GAK: variants seen among roughly 807,000 people sequenced by gnomAD.
GAK encodes cyclin G associated kinase.
GAK carries 79 observed loss-of-function variants against 143.9 expected under a neutral mutation model. That is an observed-to-expected ratio of 0.55 (90% confidence interval 0.46 to 0.66). GAK has a LOEUF of 0.66. Ranked by LOEUF, GAK falls within the 30% of genes least tolerant of loss-of-function variation. The probability of loss-of-function intolerance (pLI) is 0.00; values close to 1 mark genes in which losing one functional copy is unlikely to be tolerated. For missense variants in GAK, 1,693 were observed against 1,779.7 expected (o/e 0.95, Z 0.88); for synonymous variants, 881 against 765.5 (o/e 1.15, Z -2.49).
chr4:916,721 T>C (rs991075597), intron 1 of GAK, among the ~76,000 whole-genome samples: 1 of 152,176 alleles, frequency 6.6e-6, no homozygotes, highest in South Asian at 2.1e-4. Flanking sequence ...GTGGAGCGAC[T>C]GGAATGCTTA....
chr4:896,412 T>A (rs752462586), intron 7 of GAK, 48 bp downstream of exon 7: 34 of 1,517,770 alleles, frequency 2.2e-5, no homozygotes, highest in Non-Finnish European at 3.0e-5. Flanking sequence ...TCAGGTTAAG[T>A]AGGGCGCACG....
intron 5 of GAK, 139 bp downstream of exon 5, chr4:904,498 G>A (rs548004354): frequency 5.8e-5 from 45 of 773,726 alleles, no homozygotes; most frequent in African/African-American, 2.5e-4. Context: ...GATGATGGGC[G>A]GCTCCTAACC....
chr4:912,550 A>C, intron 3 of GAK, 185 bp downstream of exon 3: 1 of 541,288 alleles, frequency 1.8e-6, no homozygotes, highest in East Asian at 2.9e-5. Context: ...GTAAAAAAAA[A>C]ACAGAAAAAA....
chr4:854,897 T>C (rs527735721), intron 24 of GAK, among the ~76,000 whole-genome samples: 24 of 152,166 alleles, frequency 1.6e-4, no homozygotes, highest in African/African-American at 5.5e-4. Context: ...TACAAAAAAT[T>C]AGCTGGGCGT....
chr4:880,682 C>T lies in GAK; in HGVS notation c.1661+1225G>A, dbSNP rs115482774. Among the ~76,000 whole-genome samples, 630 of 152,292 alleles carry T rather than the reference C, an allele frequency of 4.1e-3. 5 individuals are homozygous for T. Among genetic ancestry groups the T allele is most frequent in the African/African-American group, 0.014 (600 of 41,562 alleles). ...AGTTACGTCCACCCCAGACAGCACA[C>T]ACACACCTCCTCCCACAGGCACCTG... On this transcript the variant is annotated intron_variant, in intron 15 of 27. Coordinates refer to ENST00000314167, the MANE Select transcript of GAK (RefSeq NM_005255.4).
rs372943133 is a variant in GAK, at chr4:911,668, G to A, written c.382+5C>T. 7.3e-5 allele frequency: 118 copies of A among 1,608,404 alleles called. No homozygotes were observed. The highest frequency in any genetic ancestry group is 6.4e-4 in the African/African-American group (48 of 74,932). On this transcript the variant is annotated splice_donor_5th_base_variant and intron_variant, in intron 4 of 27. Transcript: ENST00000314167. ...GGCACCAAGCCGGCCTTCACAGGAC[G>A]TTACCTTTACAGAGCTCTGTGAGCA... is the stretch of plus-strand genomic sequence containing the variant.
At chr4:921,251 C>T (rs1436203063) in intron 1 of GAK, among the ~76,000 whole-genome samples, 1 of 152,140 alleles carries the variant, frequency 6.6e-6, no homozygotes, top group African/African-American at 2.4e-5. Flanking sequence ...TACAGACGTG[C>T]GTCACCACGC....
At position 921,678 on chromosome 4, in the gene GAK, G is replaced by T. The variant is rs555284044; in HGVS notation, c.146-8010C>A. Among the ~76,000 whole-genome samples, 20 of 151,566 alleles carry T rather than the reference G, an allele frequency of 1.3e-4. 1 individual carries two copies. In the South Asian group the frequency reaches 2.3e-3, roughly 17 times the overall value. On this transcript the variant is annotated intron_variant, in intron 1 of 27. Coordinates refer to ENST00000314167, the MANE Select transcript of GAK (RefSeq NM_005255.4). ...AAACTTTGGATCTGCAACAGACCCC[G>T]CTTTGTTTGTTTTTTTTTTTTAATT... is the stretch of plus-strand genomic sequence containing the variant.
chr4:916,155 GA>G (rs1241664732), intron 1 of GAK, among the ~76,000 whole-genome samples: 1 of 152,196 alleles, frequency 6.6e-6, no homozygotes, highest in Non-Finnish European at 1.5e-5. Flanking sequence ...TCTGCTTTTT[GA>G]AAACTGGTCA....
intron 18 of GAK, among the ~76,000 whole-genome samples, chr4:874,912 G>T (rs1395280606): frequency 1.3e-5 from 2 of 152,122 alleles, no homozygotes; most frequent in Non-Finnish European, 2.9e-5. Flanking sequence ...GCTGTCAGAA[G>T]ATCTTTTCTA....
chr4:860,693 C>T lies in GAK; in HGVS notation c.3167-971G>A, dbSNP rs550069104. Reference sequence around the variant, plus strand: ...CGGGCACCCAGGCCCTGGCGCACCTCGCACTGTGCACACGGGGAGAAGGGC... The same window carrying T: ...CGGGCACCCAGGCCCTGGCGCACCTTGCACTGTGCACACGGGGAGAAGGGC... On this transcript the variant is annotated intron_variant, in intron 23 of 27. Transcript: ENST00000314167. Among the ~76,000 whole-genome samples, 141 of 150,050 alleles carry T rather than the reference C, an allele frequency of 9.4e-4. 3 individuals are homozygous for T. In the South Asian group the frequency reaches 0.027, roughly 29 times the overall value.
chr4:868,802 A>G, intron 19 of GAK, 117 bp from the exon 20 acceptor site: 1 of 1,052,598 alleles, frequency 9.5e-7, no homozygotes, highest in African/African-American at 1.6e-5. Context: ...AGGCCAGGCC[A>G]TCGGTAAAGC....
At chr4:890,020 G>A (rs1717327931) in intron 10 of GAK, among the ~76,000 whole-genome samples, 1 of 152,176 alleles carries the variant, frequency 6.6e-6, no homozygotes, top group Non-Finnish European at 1.5e-5. Context: ...TGGCCTCAGG[G>A]TCGCTACTGT....
chr4:864,609 G>A (rs1211481170), intron 23 of GAK, among the ~76,000 whole-genome samples: 1 of 152,014 alleles, frequency 6.6e-6, no homozygotes, highest in African/African-American at 2.4e-5. Flanking sequence ...ACTGCTGTAC[G>A]TGACCCCCTT....
chr4:895,905 C>T (rs1718677993), intron 7 of GAK, among the ~76,000 whole-genome samples: 1 of 152,184 alleles, frequency 6.6e-6, no homozygotes, highest in African/African-American at 2.4e-5. Context: ...CCGAGGGGAG[C>T]CTCAGGCAGA....
At chr4:874,985 T>C (rs1383343397) in intron 18 of GAK, among the ~76,000 whole-genome samples, 1 of 152,216 alleles carries the variant, frequency 6.6e-6, no homozygotes, top group Non-Finnish European at 1.5e-5. Flanking sequence ...AGCCTTCATT[T>C]CGGCTGTAAT....
intron 1 of GAK, among the ~76,000 whole-genome samples, chr4:924,373 C>T (rs1381683357): frequency 2.6e-5 from 4 of 151,996 alleles, no homozygotes; most frequent in Non-Finnish European, 5.9e-5. Flanking sequence ...GTGCAGCTAC[C>T]GTGGAAGGAG....
At chr4:926,845 CA>C (rs1225064355) in intron 1 of GAK, among the ~76,000 whole-genome samples, 1 of 150,638 alleles carries the variant, frequency 6.6e-6, no homozygotes, top group Non-Finnish European at 1.5e-5. Flanking sequence ...GCACCCCTCC[CA>C]GCTCACCTGC....
rs968406671 is a variant in GAK, at chr4:851,282, G to T, written c.3509-198C>A. 5 of 492,340 alleles carry T rather than the reference G, an allele frequency of 1.0e-5. No individual in the cohort carries two copies. The Admixed American group carries it at 1.3e-4, about 13-fold the overall frequency. The allele number at this position is 492,340 out of a possible 1,614,324, so 30.5% of individuals were successfully genotyped here. Reference sequence around the variant, plus strand: ...CTGGCTAATTTTTACATTTTTTGTAGAGAGGAGGTATCACTGTTGCCCAAG... The same window carrying T: ...CTGGCTAATTTTTACATTTTTTGTATAGAGGAGGTATCACTGTTGCCCAAG... On this transcript the variant is annotated intron_variant, in intron 25 of 27. Transcript: ENST00000314167.
Sources: allele counts gnomAD v4.1 joint callset (sites outside exome capture counted in the v4.1 genomes callset), GRCh38; gene constraint gnomAD v4.1.1; transcripts MANE v1.5; gene names NCBI Gene and HGNC (gene_info 2026-07-23, HGNC 2026-07-21).